Variants in QSOX2 observed in about 807,000 individuals in gnomAD.
The protein encoded by QSOX2 is quiescin sulfhydryl oxidase 2, also known as sulfhydryl oxidase 2.
A neutral mutation model predicts 61.7 loss-of-function variants in QSOX2; 46 were observed. That is an observed-to-expected ratio of 0.75 (90% CI 0.59 to 0.95). QSOX2 has a LOEUF of 0.95. QSOX2 is among the 40% of genes least tolerant of loss of function. QSOX2 has a pLI of 0.00. For missense variants in QSOX2, 879 were observed against 918.9 expected (o/e 0.96, Z 0.56); for synonymous variants, 383 against 388.4 (o/e 0.99, Z 0.16).
At chr9:136,213,207 T>C (rs1384198339) in intron 10 of QSOX2, among the ~76,000 whole-genome samples, 1 of 151,356 alleles carries the variant, frequency 6.6e-6, no homozygotes, top group Non-Finnish European at 1.5e-5. Context: ...TGAGGTTTCC[T>C]AACTCAGGCT....
At chr9:136,235,500 T>C (rs955638940) in intron 1 of QSOX2, among the ~76,000 whole-genome samples, 3 of 152,232 alleles carry the variant, frequency 2.0e-5, no homozygotes, top group African/African-American at 7.2e-5. Context: ...GGGGAAGCCC[T>C]GAGCTGGGCT....
intron 8 of QSOX2, among the ~76,000 whole-genome samples, chr9:136,217,137 C>T (rs975789284): frequency 6.6e-6 from 1 of 152,380 alleles, no homozygotes; most frequent in East Asian, 1.9e-4. Context: ...TCCCCTCTGC[C>T]GTCACTGACT....
Position 136,209,465 on chromosome 9 carries a change from C to T in QSOX2, c.1550-190G>A. ...GCAGTTCGGCCCAGATAACATCCTG[C>T]TTCTGCAGGCCCCTGCGCACGTGTT... On this transcript the variant is annotated intron_variant, in intron 11 of 11. Coordinates refer to ENST00000358701, the MANE Select transcript of QSOX2 (RefSeq NM_181701.4). This position sits in a 1 kb window ranked among gnomAD's most constrained non-coding sequence, Gnocchi z 5.6. 2 of 985,452 alleles carry T rather than the reference C, an allele frequency of 2.0e-6. No homozygotes were observed. Among genetic ancestry groups the T allele is most frequent in the Middle Eastern group, 5.2e-4 (1 of 1,914 alleles). 61.0% of individuals were successfully genotyped at this position (985,452 alleles called of 1,614,324 possible).
rs751628576 is a variant in QSOX2, at chr9:136,208,987, C to G, written c.1838G>C (p.Gly613Ala). 1 of 1,613,784 alleles carries G rather than the reference C, an allele frequency of 6.2e-7. No homozygotes were observed. Among genetic ancestry groups the G allele is most frequent in the Admixed American group, 1.7e-5 (1 of 60,022 alleles). ...DRDTQSVRPP[G>A]ALGPRPALPE... ...AAGGGCAGGCCTGGGGCCCAGTGCA[C>G]CAGGTGGACGGACGCTCTGGGTGTC... Residue 613 changes from glycine to alanine, a missense_variant, in exon 12 of 12, where the codon GGT becomes GCT. Gly to Ala is a moderately conservative substitution (Grantham distance 60, BLOSUM62 0). Transcript: ENST00000358701.
intron 1 of QSOX2, among the ~76,000 whole-genome samples, chr9:136,229,526 C>A (rs757780045): frequency 2.6e-5 from 4 of 152,182 alleles, no homozygotes; most frequent in Admixed American, 2.6e-4. Context: ...AAAAAAAGCA[C>A]CTTTGTGCCC....
At position 136,207,142 on chromosome 9, in the gene QSOX2, C is replaced by T. The variant is rs1462202807; in HGVS notation, c.*1586G>A. On this transcript the variant is annotated 3_prime_UTR_variant, in exon 12 of 12. Transcript: ENST00000358701. The stretch of plus-strand genomic sequence containing the variant: ...TCCCACCAGACACCTCTCCCGCCAG[C>T]TGCAGGGCCCTGGGCAGCGTTCTCA... 1 of 152,304 alleles carries T rather than the reference C, an allele frequency of 6.6e-6. No homozygotes were observed. The highest frequency in any genetic ancestry group is 1.5e-5 in the Non-Finnish European group (1 of 68,046). 9.4% of individuals were successfully genotyped at this position (152,304 alleles called of 1,614,324 possible).
In QSOX2 at chr9:136,222,002, C is replaced by T. The variant is rs1055979451; in HGVS notation, c.676-61G>A. ...GCTGGCAGTTTCTCAGAAAACACGACGTGCAGACACATGGCCTTGCAGGGA... is the reference window on the plus strand; with the variant it reads ...GCTGGCAGTTTCTCAGAAAACACGATGTGCAGACACATGGCCTTGCAGGGA... On this transcript the variant is annotated intron_variant, in intron 5 of 11. Transcript: ENST00000358701. The surrounding 1 kb of genome is among the most constrained non-coding windows in gnomAD (Gnocchi z 6.9). The T allele has an allele frequency of 2.4e-5, 36 of 1,480,440 alleles. 1 individual carries two copies. The highest frequency in any genetic ancestry group is 1.7e-4 in the East Asian group (7 of 40,452). 91.7% of individuals were successfully genotyped at this position (1,480,440 alleles called of 1,614,324 possible).
At chr9:136,237,833 G>A (rs1462935158) in intron 1 of QSOX2, among the ~76,000 whole-genome samples, 1 of 152,256 alleles carries the variant, frequency 6.6e-6, no homozygotes, top group Non-Finnish European at 1.5e-5. Flanking sequence ...CTAAACACAC[G>A]ATTCTCACAC....
At chr9:136,242,820 T>A (rs979548990) in intron 1 of QSOX2, among the ~76,000 whole-genome samples, 2 of 152,210 alleles carry the variant, frequency 1.3e-5, no homozygotes, top group Non-Finnish European at 2.9e-5. Context: ...GGGCCTTTCA[T>A]CCCTTTCTAC....
chr9:136,242,309 G>A (rs541795165), intron 1 of QSOX2, among the ~76,000 whole-genome samples: 13 of 152,372 alleles, frequency 8.5e-5, no homozygotes, highest in African/African-American at 2.4e-4. Context: ...CCAGCTGGAG[G>A]CTCCTGGGAA....
Position 136,223,966 on chromosome 9 carries a change from A to C in QSOX2, c.584+41T>G. ...ACCTATTACGTTTCTTGCACAGTTC[A>C]ACACGAGTCTAACGGCCGCCTTCTT... On this transcript the variant is annotated intron_variant, in intron 4 of 11. Coordinates refer to ENST00000358701, the MANE Select transcript of QSOX2 (RefSeq NM_181701.4). This position sits in a 1 kb window ranked among gnomAD's most constrained non-coding sequence, Gnocchi z 4.4. 1 of 1,591,964 alleles carries C rather than the reference A, an allele frequency of 6.3e-7. No individual in the cohort carries two copies. Among genetic ancestry groups the C allele is most frequent in the Non-Finnish European group, 8.6e-7 (1 of 1,160,480 alleles).
intron 10 of QSOX2, among the ~76,000 whole-genome samples, chr9:136,212,872 G>A (rs189164356): frequency 5.9e-5 from 9 of 152,298 alleles, no homozygotes; most frequent in African/African-American, 1.4e-4. Flanking sequence ...TCCCGTGGTC[G>A]CCTCTGACCC....
rs1830229580 is a variant in QSOX2 at position 136,222,603 on chromosome 9, T to G, written c.676-662A>C. On this transcript the variant is annotated intron_variant, in intron 5 of 11. Transcript: ENST00000358701. This position sits in a 1 kb window ranked among gnomAD's most constrained non-coding sequence, Gnocchi z 6.9. ...GGCCGTGCCTCTCCTGAGCTGGGTG[T>G]GTCTGCGAAGAGCTGATCGCTACTC... Among the ~76,000 whole-genome samples, 1 of 152,174 alleles carries G rather than the reference T, an allele frequency of 6.6e-6. No individual in the cohort carries two copies. The highest frequency in any genetic ancestry group is 1.9e-4 in the East Asian group (1 of 5,192).
At chr9:136,242,664 C>T (rs995252085) in intron 1 of QSOX2, among the ~76,000 whole-genome samples, 4 of 152,270 alleles carry the variant, frequency 2.6e-5, no homozygotes, top group Non-Finnish European at 5.9e-5. Context: ...GGATGACAGA[C>T]AGGGAGCCAG....
chr9:136,226,651 A>G (rs1343615180), intron 2 of QSOX2, 123 bp downstream of exon 2: 2 of 807,842 alleles, frequency 2.5e-6, no homozygotes, highest in Non-Finnish European at 4.4e-6. Context: ...AGAGAGCCAG[A>G]GAAGCCGAAA....
chr9:136,236,966 ACACCTGGAGCCTGTCCTGGGCCGGCGT>A (rs1422957656), intron 1 of QSOX2, among the ~76,000 whole-genome samples: 500 of 113,358 alleles, frequency 4.4e-3, no homozygotes, highest in African/African-American at 0.013. Context: ...GTCCTGTGCC[ACACCTGGAGCCTGTCCTGGGCCGGCGT>A]CACCTGGAGC....
chr9:136,209,325 G>A lies in QSOX2; in HGVS notation c.1550-50C>T. On this transcript the variant is annotated intron_variant, in intron 11 of 11. Coordinates refer to ENST00000358701, the MANE Select transcript of QSOX2 (RefSeq NM_181701.4). This position sits in a 1 kb window ranked among gnomAD's most constrained non-coding sequence, Gnocchi z 5.6. ...GCCAGAGGGAAGGAGGCTTTGTGCAGCCACGTGCAGCGTGCGGCAACCGGA... is the reference window on the plus strand; with the variant it reads ...GCCAGAGGGAAGGAGGCTTTGTGCAACCACGTGCAGCGTGCGGCAACCGGA... 1 of 1,574,266 alleles carries A rather than the reference G, an allele frequency of 6.4e-7. No individual in the cohort carries two copies. Among genetic ancestry groups the A allele is most frequent in the African/African-American group, 1.4e-5 (1 of 74,066 alleles).
chr9:136,241,089 G>A (rs1003548709), intron 1 of QSOX2, among the ~76,000 whole-genome samples: 5 of 152,106 alleles, frequency 3.3e-5, no homozygotes, highest in African/African-American at 1.2e-4. Context: ...AGTCTCAGAC[G>A]CACCAACCAC....
At chr9:136,245,187 G>A (rs1277412612) in intron 1 of QSOX2, among the ~76,000 whole-genome samples, 3 of 152,166 alleles carry the variant, frequency 2.0e-5, no homozygotes, top group African/African-American at 4.8e-5. Flanking sequence ...AGCGTGCGGT[G>A]AGGGCTGCGG....
Sources: allele counts gnomAD v4.1 joint callset (sites outside exome capture counted in the v4.1 genomes callset), GRCh38; gene constraint gnomAD v4.1.1; non-coding constraint Gnocchi (gnomAD v3.1); transcripts MANE v1.5; gene names NCBI Gene and HGNC (gene_info 2026-07-23, HGNC 2026-07-21).